FYB1: variants seen among roughly 807,000 people sequenced by gnomAD.
The protein encoded by FYB1 is FYN binding protein 1.
A neutral mutation model predicts 94.1 loss-of-function variants in FYB1; 41 were observed. That is an observed-to-expected ratio of 0.44 (90% CI 0.34 to 0.57). FYB1 has a LOEUF of 0.57. FYB1 is among the 20% of genes least tolerant of loss of function. The probability of loss-of-function intolerance (pLI) is 0.02; values close to 1 mark genes in which losing one functional copy is unlikely to be tolerated. For missense variants in FYB1, 1,050 were observed against 976.8 expected (o/e 1.07, Z -1.00); for synonymous variants, 367 against 353.2 (o/e 1.04, Z -0.44).
chr5:39,144,480 AG>A (rs1742466239), intron 3 of FYB1, among the ~76,000 whole-genome samples: 1 of 152,178 alleles, frequency 6.6e-6, no homozygotes, highest in African/African-American at 2.4e-5. Context: ...AATTAAAAAA[AG>A]ACATGGAGAG....
At chr5:39,248,690 A>T (rs1478546789) in intron 1 of FYB1, among the ~76,000 whole-genome samples, 2 of 152,102 alleles carry the variant, frequency 1.3e-5, no homozygotes, top group African/African-American at 4.8e-5. Flanking sequence ...TACAAAAATT[A>T]GCTGGGCATG....
chr5:39,202,121 T>C lies in FYB1; in HGVS notation c.840A>G (p.Glu280=). 6.2e-7 allele frequency: 1 copy of C among 1,614,004 alleles called. No individual in the cohort carries two copies. Among genetic ancestry groups the C allele is most frequent in the Non-Finnish European group, 8.5e-7 (1 of 1,179,896 alleles). Reference sequence around the variant, plus strand: ...CTATCTTCCTATCTTCCTTTTTTTCTTCACCATTTTTGGAGAGACCTGGGC... The same window carrying C: ...CTATCTTCCTATCTTCCTTTTTTTCCTCACCATTTTTGGAGAGACCTGGGC... ...RGGPGLSKNG[E]EKKEDRKIDA... The change falls in exon 2 of 19, where the codon GAA becomes GAG. Residue 280 remains glutamate, a synonymous_variant. Coordinates refer to ENST00000512982, the MANE Select transcript of FYB1 (RefSeq NM_001465.6).
intron 10 of FYB1, among the ~76,000 whole-genome samples, chr5:39,129,958 C>A (rs1251411683): frequency 6.6e-6 from 1 of 151,792 alleles, no homozygotes; most frequent in Admixed American, 6.6e-5. Context: ...ATTTGCATCC[C>A]CAAGTGTATT....
At chr5:39,134,159 C>T (rs775243944) in intron 9 of FYB1, 49 bp downstream of exon 9, 82 of 1,424,644 alleles carry the variant, frequency 5.8e-5, no homozygotes, top group Non-Finnish European at 7.4e-5. Flanking sequence ...TACAAAATTT[C>T]TGACAAGGAG....
At chr5:39,151,113 A>G (rs1743210155) in intron 3 of FYB1, among the ~76,000 whole-genome samples, 1 of 152,040 alleles carries the variant, frequency 6.6e-6, no homozygotes, top group South Asian at 2.1e-4. Flanking sequence ...TCTTTGCTCA[A>G]GTATCATTTT....
chr5:39,145,485 C>A (rs992794260), intron 3 of FYB1, among the ~76,000 whole-genome samples: 1 of 151,848 alleles, frequency 6.6e-6, no homozygotes, highest in African/African-American at 2.4e-5. Context: ...AATCAAAGAT[C>A]CCCTGAAAAT....
At chr5:39,135,327 G>A (rs758385717) in intron 7 of FYB1, among the ~76,000 whole-genome samples, 2 of 152,212 alleles carry the variant, frequency 1.3e-5, no homozygotes, top group African/African-American at 2.4e-5. Context: ...CAGCGTTTAT[G>A]TACAACAATC....
intron 12 of FYB1, among the ~76,000 whole-genome samples, chr5:39,124,788 A>C (rs1740470853): frequency 6.6e-6 from 1 of 152,094 alleles, no homozygotes; most frequent in African/African-American, 2.4e-5. Flanking sequence ...TAAGAGGAAT[A>C]TTTACTTAAA....
intron 1 of FYB1, among the ~76,000 whole-genome samples, chr5:39,229,332 TAG>T (rs2150567909): frequency 6.6e-6 from 1 of 152,286 alleles, no homozygotes; most frequent in Admixed American, 6.5e-5. Context: ...ATTTGTTCTA[TAG>T]AGTCATTCTC....
intron 2 of FYB1, among the ~76,000 whole-genome samples, chr5:39,199,423 A>C (rs1748120129): frequency 6.6e-6 from 1 of 152,214 alleles, no homozygotes; most frequent in Non-Finnish European, 1.5e-5. Context: ...TGACACATAC[A>C]CGAGTTTATT....
At chr5:39,166,733 G>C (rs1017200120) in intron 2 of FYB1, among the ~76,000 whole-genome samples, 2 of 152,048 alleles carry the variant, frequency 1.3e-5, no homozygotes. Flanking sequence ...GTTCTCACTT[G>C]TAAGTGGGAG....
At chr5:39,183,062 G>T (rs1203395346) in intron 2 of FYB1, among the ~76,000 whole-genome samples, 7 of 152,098 alleles carry the variant, frequency 4.6e-5, no homozygotes, top group Non-Finnish European at 8.8e-5. Context: ...CACCCTTGTT[G>T]CCCAGGCTGG....
At chr5:39,117,085 A>T (rs979067890) in intron 16 of FYB1, among the ~76,000 whole-genome samples, 6 of 152,158 alleles carry the variant, frequency 3.9e-5, no homozygotes, top group African/African-American at 1.4e-4. Flanking sequence ...CTCTTGTAAA[A>T]AATGTGAAAT....
intron 1 of FYB1, among the ~76,000 whole-genome samples, chr5:39,203,732 T>C (rs1748591581): frequency 1.3e-5 from 2 of 152,142 alleles, no homozygotes; most frequent in South Asian, 2.1e-4. Context: ...GAAGAGGTAA[T>C]AGGGACAGGC....
At chr5:39,267,397 C>CATG (rs1752479907) in intron 1 of FYB1, among the ~76,000 whole-genome samples, 1 of 151,322 alleles carries the variant, frequency 6.6e-6, no homozygotes, top group South Asian at 2.1e-4. Context: ...TCATCATCAT[C>CATG]ATCATCACGT....
intron 16 of FYB1, among the ~76,000 whole-genome samples, chr5:39,112,486 T>C (rs1306331408): frequency 6.6e-6 from 1 of 152,066 alleles, no homozygotes; most frequent in African/African-American, 2.4e-5. Context: ...ATAAGAATTA[T>C]AAACTGTTGT....
Position 39,107,440 on chromosome 5 carries a change from G to T in FYB1, c.*3C>A. On this transcript the variant is annotated 3_prime_UTR_variant, in exon 19 of 19. Coordinates refer to ENST00000512982, the MANE Select transcript of FYB1 (RefSeq NM_001465.6). Reference sequence around the variant, plus strand: ...AACACAGCAGAATGACCAAAGTTGAGTGCTAGTCATTGTCATAGATGCAGC... The same window carrying T: ...AACACAGCAGAATGACCAAAGTTGATTGCTAGTCATTGTCATAGATGCAGC... 1 of 1,528,632 alleles carries T rather than the reference G, an allele frequency of 6.5e-7. No homozygotes were observed. The highest frequency in any genetic ancestry group is 8.8e-7 in the Non-Finnish European group (1 of 1,133,806). The allele number at this position is 1,528,632 out of a possible 1,614,324, so 94.7% of individuals were successfully genotyped here.
intron 1 of FYB1, among the ~76,000 whole-genome samples, chr5:39,258,379 C>T (rs984157166): frequency 1.3e-5 from 2 of 152,124 alleles, no homozygotes; most frequent in Non-Finnish European, 2.9e-5. Flanking sequence ...GTAGGCAGAT[C>T]ACCTGAGGTC....
chr5:39,160,111 A>T (rs1480755495), intron 2 of FYB1, among the ~76,000 whole-genome samples: 1 of 152,214 alleles, frequency 6.6e-6, no homozygotes, highest in South Asian at 2.1e-4. Context: ...ATTCAGATTC[A>T]ACCACTTTTA....
Sources: allele counts gnomAD v4.1 joint callset (sites outside exome capture counted in the v4.1 genomes callset), GRCh38; gene constraint gnomAD v4.1.1; transcripts MANE v1.5; gene names NCBI Gene and HGNC (gene_info 2026-07-23, HGNC 2026-07-21).